CSMD1: variants seen among roughly 807,000 people sequenced by gnomAD.
The protein encoded by CSMD1 is CUB and Sushi multiple domains 1.
In CSMD1, 213 loss-of-function variants were observed where a neutral mutation model predicts 417.5. The ratio of observed to expected loss-of-function variants is 0.51; its 90% CI spans 0.46 to 0.57. CSMD1 has a LOEUF of 0.57. Ranked by LOEUF, CSMD1 falls within the 20% of genes least tolerant of loss-of-function variation. The probability of loss-of-function intolerance (pLI) is 0.00; values close to 1 mark genes in which losing one functional copy is unlikely to be tolerated. For synonymous variants in CSMD1, 2,862 were observed against 1,736.8 expected, an observed-to-expected ratio of 1.65 and a Z score of -16.11; for missense variants, 6,923 against 4,529.7, an observed-to-expected ratio of 1.53 and a Z score of -15.17.
intron 12 of CSMD1, among the ~76,000 whole-genome samples, chr8:3,435,401 A>G (rs968746527): frequency 6.6e-6 from 1 of 152,112 alleles, no homozygotes; most frequent in African/African-American, 2.4e-5. Context: ...TGGAGACCTC[A>G]TAGAAATGCC....
At chr8:3,851,915 C>T (rs1207848454) in intron 5 of CSMD1, among the ~76,000 whole-genome samples, 3 of 152,042 alleles carry the variant, frequency 2.0e-5, no homozygotes, top group Non-Finnish European at 2.9e-5. Context: ...GGTAGAAGTA[C>T]TGGGGGCCTG....
chr8:3,497,330 G>C (rs1352940211), intron 10 of CSMD1, among the ~76,000 whole-genome samples: 3 of 152,028 alleles, frequency 2.0e-5, no homozygotes, highest in East Asian at 1.9e-4. Context: ...CTCTGGTGTT[G>C]GGTGCATATA....
At chr8:3,532,555 T>A (rs1460909707) in intron 10 of CSMD1, among the ~76,000 whole-genome samples, 1 of 152,176 alleles carries the variant, frequency 6.6e-6, no homozygotes, top group South Asian at 2.1e-4. Context: ...GAAATGGACG[T>A]AGGTTCAACA....
intron 1 of CSMD1, among the ~76,000 whole-genome samples, chr8:4,673,914 A>G (rs889010150): frequency 1.1e-4 from 16 of 152,246 alleles, no homozygotes; most frequent in African/African-American, 3.6e-4. Flanking sequence ...AGGGTTTGGG[A>G]GGATAGATAA....
At chr8:4,317,811 G>A (rs1799021512) in intron 3 of CSMD1, among the ~76,000 whole-genome samples, 1 of 152,086 alleles carries the variant, frequency 6.6e-6, no homozygotes, top group Admixed American at 6.6e-5. Flanking sequence ...ATACATTGTA[G>A]GCATTCAGTA....
chr8:3,604,447 G>A (rs1310898495), intron 8 of CSMD1, among the ~76,000 whole-genome samples: 2 of 152,154 alleles, frequency 1.3e-5, no homozygotes, highest in Admixed American at 6.5e-5. Flanking sequence ...GAGGACAGAA[G>A]ATGTCAACAT....
chr8:4,582,738 G>A (rs1389079819), intron 2 of CSMD1, among the ~76,000 whole-genome samples: 2 of 152,246 alleles, frequency 1.3e-5, no homozygotes, highest in Non-Finnish European at 2.9e-5. Flanking sequence ...CACTTGAGGA[G>A]CCCTTTGGCC....
chr8:4,031,955 A>G lies in CSMD1; in HGVS notation c.560T>C (p.Val187Ala). The change falls in exon 4 of 70, where the codon GTC (valine) becomes GCC (alanine). Residue 187 changes from valine to alanine, a missense_variant. Val to Ala is a moderately conservative substitution (Grantham distance 64). Coordinates refer to ENST00000635120, the MANE Select transcript of CSMD1 (RefSeq NM_033225.6). Reference protein sequence around the residue: ...LEGHAILTCIVSPGNGASWDF... With the variant: ...LEGHAILTCIASPGNGASWDF... ...CCACGATGCACCATTTCCTGGGCTG[A>G]CGATGCAGGTCAGGATGGCGTGGCC... 6.2e-7 allele frequency: 1 copy of G among 1,613,954 alleles called. No homozygotes were observed. The highest frequency in any genetic ancestry group is 8.5e-7 in the Non-Finnish European group (1 of 1,179,872).
chr8:4,196,880 T>C (rs1415054838), intron 3 of CSMD1, among the ~76,000 whole-genome samples: 7 of 152,214 alleles, frequency 4.6e-5, no homozygotes, highest in African/African-American at 1.4e-4. Flanking sequence ...TAGTGAAAGT[T>C]CCGCCATCTT....
chr8:3,363,163 C>A (rs1182111786), intron 20 of CSMD1, among the ~76,000 whole-genome samples: 1 of 152,276 alleles, frequency 6.6e-6, no homozygotes, highest in East Asian at 1.9e-4. Context: ...CCCAAATTAG[C>A]TGGCCTGTCC....
intron 5 of CSMD1, among the ~76,000 whole-genome samples, chr8:3,871,929 T>C (rs922723967): frequency 1.3e-5 from 2 of 152,190 alleles, no homozygotes; most frequent in Non-Finnish European, 2.9e-5. Context: ...GCCCTAATCT[T>C]CTGAAAAACA....
chr8:3,451,874 G>C (rs993387092), intron 12 of CSMD1, among the ~76,000 whole-genome samples: 1 of 152,292 alleles, frequency 6.6e-6, no homozygotes, highest in East Asian at 1.9e-4. Flanking sequence ...TAGCTTGATG[G>C]GGATGGCATT....
chr8:2,948,003 A>G (rs903464736), intron 68 of CSMD1, among the ~76,000 whole-genome samples: 3 of 151,978 alleles, frequency 2.0e-5, no homozygotes, highest in African/African-American at 7.2e-5. Flanking sequence ...GTCTTACAAA[A>G]TAAGTTCATC....
intron 1 of CSMD1, among the ~76,000 whole-genome samples, chr8:4,819,844 A>G (rs1799419137): frequency 6.6e-6 from 1 of 152,100 alleles, no homozygotes; most frequent in African/African-American, 2.4e-5. Context: ...AGAAGAGCAA[A>G]CGAGTGTAGG....
chr8:4,224,303 A>G (rs549086813), intron 3 of CSMD1, among the ~76,000 whole-genome samples: 101 of 152,334 alleles, frequency 6.6e-4, no homozygotes, highest in Middle Eastern at 3.4e-3. Flanking sequence ...ACAAAACATT[A>G]AGATATTTTA....
At chr8:3,113,809 A>C (rs1048990488) in intron 42 of CSMD1, among the ~76,000 whole-genome samples, 1 of 152,206 alleles carries the variant, frequency 6.6e-6, no homozygotes. Flanking sequence ...TTGGCACAGG[A>C]GGGCGGAGGT....
At chr8:4,991,793 C>T (rs561464267) in intron 1 of CSMD1, among the ~76,000 whole-genome samples, 4 of 152,362 alleles carry the variant, frequency 2.6e-5, no homozygotes, top group African/African-American at 7.2e-5. Context: ...CCGGCGCTGG[C>T]GTCACCAGCC....
intron 2 of CSMD1, among the ~76,000 whole-genome samples, chr8:4,565,095 T>A (rs1798526512): frequency 6.6e-6 from 1 of 152,222 alleles, no homozygotes. Context: ...GAGTGCTTTC[T>A]ACCCAAGAAT....
chr8:3,734,968 T>C (rs944158730), intron 6 of CSMD1, among the ~76,000 whole-genome samples: 1 of 152,344 alleles, frequency 6.6e-6, no homozygotes, highest in Admixed American at 6.5e-5. Context: ...TGTTCTTGTT[T>C]TGAGAGCAAT....
Sources: allele counts gnomAD v4.1 joint callset (sites outside exome capture counted in the v4.1 genomes callset), GRCh38; gene constraint gnomAD v4.1.1; transcripts MANE v1.5; gene names NCBI Gene and HGNC (gene_info 2026-07-23, HGNC 2026-07-21).